IFRD1: variants seen among roughly 807,000 people sequenced by gnomAD.
IFRD1 encodes interferon-related developmental regulator 1.
A neutral mutation model predicts 52.9 loss-of-function variants in IFRD1; 35 were observed. The observed-to-expected ratio is 0.66, with a 90% CI of 0.51 to 0.88. The LOEUF is 0.88. Ranked by LOEUF, IFRD1 falls within the 40% of genes least tolerant of loss-of-function variation. IFRD1 has a pLI of 0.00. For missense variants in IFRD1, 517 were observed against 550.8 expected (o/e 0.94, Z 0.61); for synonymous variants, 184 against 188.4 (o/e 0.98, Z 0.19).
At chr7:112,441,323 G>C (rs1349033850) in intron 1 of IFRD1, among the ~76,000 whole-genome samples, 1 of 151,930 alleles carries the variant, frequency 6.6e-6, no homozygotes, top group Non-Finnish European at 1.5e-5. Context: ...GAGCATGGTG[G>C]TGCACACCTG....
chr7:112,459,367 TTTAGA>T (rs1795375206), intron 5 of IFRD1, among the ~76,000 whole-genome samples: 1 of 152,168 alleles, frequency 6.6e-6, no homozygotes, highest in African/African-American at 2.4e-5. Context: ...AACACTTGAC[TTTAGA>T]TTTTGGGTTT....
chr7:112,471,472 G>A (rs113520186), intron 9 of IFRD1, among the ~76,000 whole-genome samples: 1 of 152,128 alleles, frequency 6.6e-6, no homozygotes, highest in Non-Finnish European at 1.5e-5. Flanking sequence ...TCCTCTCCCT[G>A]TGGCAGTCAG....
At chr7:112,428,648 T>C (rs752724100) in intron 1 of IFRD1, among the ~76,000 whole-genome samples, 2 of 152,150 alleles carry the variant, frequency 1.3e-5, no homozygotes, top group Non-Finnish European at 2.9e-5. Flanking sequence ...ATGAGGTGGC[T>C]TATCGAAGGT....
At chr7:112,447,609 G>C (rs956459343), upstream of IFRD1, among the ~76,000 whole-genome samples, 1 of 152,176 alleles carries the variant, frequency 6.6e-6, no homozygotes, top group East Asian at 1.9e-4. Context: ...TGAAGAAAAA[G>C]GCAAAGTCTG....
At chr7:112,463,443 C>A (rs1273257649) in intron 8 of IFRD1, among the ~76,000 whole-genome samples, 4 of 152,058 alleles carry the variant, frequency 2.6e-5, no homozygotes, top group Non-Finnish European at 5.9e-5. Flanking sequence ...AGGAAGTTTA[C>A]AGTCTTAAAA....
chr7:112,463,805 GAC>G (rs1321771819), intron 8 of IFRD1, among the ~76,000 whole-genome samples: 1 of 147,380 alleles, frequency 6.8e-6, no homozygotes, highest in East Asian at 2.0e-4. Context: ...CATATATATA[GAC>G]ACATACATAC....
chr7:112,443,449 G>C (rs1447906713), intron 1 of IFRD1, among the ~76,000 whole-genome samples: 1 of 151,862 alleles, frequency 6.6e-6, no homozygotes, highest in Non-Finnish European at 1.5e-5. Flanking sequence ...ACATGCGTCT[G>C]TATCCCAGCT....
chr7:112,473,902 C>G (rs535373755), intron 11 of IFRD1, among the ~76,000 whole-genome samples: 1 of 152,292 alleles, frequency 6.6e-6, no homozygotes, highest in African/African-American at 2.4e-5. Context: ...GCAGTCACTT[C>G]CCTTGTGCTA....
At chr7:112,448,139 A>G (rs201931513), upstream of IFRD1, among the ~76,000 whole-genome samples, 1 of 151,500 alleles carries the variant, frequency 6.6e-6, no homozygotes, top group Non-Finnish European at 1.5e-5. Flanking sequence ...AAAAAAAAAA[A>G]AAAGAAAGAA....
intron 1 of IFRD1, chr7:112,452,451 T>C: frequency 1.0e-6 from 1 of 983,548 alleles, no homozygotes. Flanking sequence ...TGAGGATATT[T>C]CTTACCACTG....
At chr7:112,474,736 G>A (rs878870464) in intron 11 of IFRD1, among the ~76,000 whole-genome samples, 20 of 152,118 alleles carry the variant, frequency 1.3e-4, no homozygotes, top group African/African-American at 4.6e-4. Context: ...TTTAAAAAAT[G>A]TGTTTATTTA....
At position 112,462,457 on chromosome 7, in the gene IFRD1, G is replaced by A. The variant is rs557481368; in HGVS notation, c.906+79G>A. 6 of 984,298 alleles carry A rather than the reference G, an allele frequency of 6.1e-6. No individual in the cohort carries two copies. In the African/African-American group the frequency reaches 9.5e-5, roughly 16 times the overall value. The allele number at this position is 984,298 out of a possible 1,614,324, so 61.0% of individuals were successfully genotyped here. On this transcript the variant is annotated intron_variant, in intron 8 of 11. Coordinates refer to ENST00000403825, the MANE Select transcript of IFRD1 (RefSeq NM_001550.4). Reference sequence around the variant, plus strand: ...ATCATTACCTTGCAATTGAGAATTGGGCAATAACTTTGGAACATGGCCAGC... The same window carrying A: ...ATCATTACCTTGCAATTGAGAATTGAGCAATAACTTTGGAACATGGCCAGC...
At chr7:112,468,929 A>C (rs1193834642) in intron 9 of IFRD1, among the ~76,000 whole-genome samples, 3 of 152,244 alleles carry the variant, frequency 2.0e-5, no homozygotes, top group African/African-American at 7.2e-5. Context: ...GTTTCAATCT[A>C]TATGGCAAAT....
chr7:112,431,888 T>C (rs922522120), intron 1 of IFRD1, among the ~76,000 whole-genome samples: 2 of 152,256 alleles, frequency 1.3e-5, no homozygotes, highest in Non-Finnish European at 2.9e-5. Flanking sequence ...GTCCTTGATA[T>C]AGATGTACTT....
chr7:112,461,254 ATTTCTTTTAGAAGT>A (rs2117308215), intron 5 of IFRD1: 1 of 152,334 alleles, frequency 6.6e-6, no homozygotes, highest in South Asian at 2.1e-4. Flanking sequence ...TTGGAAGCTG[ATTTCTTTTAGAAGT>A]TTTCATAGTA....
rs367584678 is a variant in IFRD1, at chr7:112,455,788, T to C, written c.120T>C (p.Pro40=). Residue 40 remains proline (P), a synonymous_variant, in exon 2 of 12, where the codon CCT becomes CCC. Transcript: ENST00000403825. ...GTGGCCAGCATCGAAATGTTCAGCC[T>C]TTTAGTGATGAAGATGCATCAATTG... ...TAGGQHRNVQ[P]FSDEDASIET... 103 of 1,612,190 alleles carry C rather than the reference T, an allele frequency of 6.4e-5. No individual in the cohort carries two copies. The highest frequency in any genetic ancestry group is 8.1e-5 in the Non-Finnish European group (96 of 1,178,386).
At chr7:112,435,391 T>C (rs898024172) in intron 1 of IFRD1, 1 of 152,230 alleles carries the variant, frequency 6.6e-6, no homozygotes, top group African/African-American at 2.4e-5. Flanking sequence ...GGTTCCCTTA[T>C]TAGATCATTA....
At position 112,472,356 on chromosome 7, in the gene IFRD1, C is replaced by T. The variant is rs777083276; in HGVS notation, c.1170+9C>T. 6.2e-7 allele frequency: 1 copy of T among 1,613,762 alleles called. No homozygotes were observed. The highest frequency in any genetic ancestry group is 1.3e-5 in the African/African-American group (1 of 74,910). On this transcript the variant is annotated intron_variant, in intron 10 of 11. Coordinates refer to ENST00000403825, the MANE Select transcript of IFRD1 (RefSeq NM_001550.4). ...TGCAGTACCACTTGCAGGTAAGTGT[C>T]ATCCTTTCTACATATTTGCTTTTAA...
intron 9 of IFRD1, among the ~76,000 whole-genome samples, chr7:112,471,343 CT>C (rs1795740380): frequency 1.3e-5 from 2 of 152,212 alleles, no homozygotes; most frequent in East Asian, 3.9e-4. Context: ...TGTATTAAGT[CT>C]AGGGTTGACG....
Sources: allele counts gnomAD v4.1 joint callset (sites outside exome capture counted in the v4.1 genomes callset), GRCh38; gene constraint gnomAD v4.1.1; transcripts MANE v1.5; gene names NCBI Gene and HGNC (gene_info 2026-07-23, HGNC 2026-07-21).